GARNL3: variants seen among roughly 807,000 people sequenced by gnomAD.
GARNL3 encodes the protein GTPase-activating Rap/Ran-GAP domain-like protein 3.
Under a neutral mutation model 125.0 loss-of-function variants are expected in GARNL3, and 63 were observed. The ratio of observed to expected loss-of-function variants is 0.50; its 90% confidence interval spans 0.41 to 0.62. The LOEUF (loss-of-function observed/expected upper bound fraction) is 0.62, where lower values mean the gene tolerates loss of function less well. Among genes scored for constraint, GARNL3 ranks in the 20% least tolerant of loss-of-function variants. The probability of loss-of-function intolerance (pLI) is 0.00; values close to 1 mark genes in which losing one functional copy is unlikely to be tolerated. For synonymous variants in GARNL3, 439 were observed against 457.5 expected (o/e 0.96, Z 0.52); for missense variants, 994 against 1,244.0 (o/e 0.80, Z 3.02).
chr9:127,269,851 T>A (rs964804687), intron 1 of GARNL3, among the ~76,000 whole-genome samples: 1 of 151,530 alleles, frequency 6.6e-6, no homozygotes, highest in African/African-American at 2.4e-5. Context: ...TTGTCCCTTA[T>A]CAGATGATTT....
intron 2 of GARNL3, among the ~76,000 whole-genome samples, chr9:127,248,918 T>C (rs1216812258): frequency 6.6e-6 from 1 of 152,146 alleles, no homozygotes; most frequent in African/African-American, 2.4e-5. Flanking sequence ...GCCAGTATTT[T>C]GTTTTTCATT....
At chr9:127,257,295 C>T (rs937679622) in intron 2 of GARNL3, among the ~76,000 whole-genome samples, 2 of 152,210 alleles carry the variant, frequency 1.3e-5, no homozygotes, top group Non-Finnish European at 2.9e-5. Flanking sequence ...CTCAAGAGTG[C>T]AGTTGCTGGG....
intron 7 of GARNL3, among the ~76,000 whole-genome samples, chr9:127,330,414 A>G (rs923542410): frequency 1.2e-4 from 19 of 152,214 alleles, no homozygotes; most frequent in Non-Finnish European, 1.2e-4. Context: ...ATTTGGAGAC[A>G]TCGTATGAAA....
intron 22 of GARNL3, among the ~76,000 whole-genome samples, chr9:127,375,779 G>C (rs1325276706): frequency 6.6e-6 from 1 of 152,154 alleles, no homozygotes; most frequent in Admixed American, 6.6e-5. Context: ...CTGCCTTATG[G>C]TTCCTTCTTG....
At chr9:127,303,975 T>C (rs2064875203) in intron 2 of GARNL3, among the ~76,000 whole-genome samples, 1 of 152,178 alleles carries the variant, frequency 6.6e-6, no homozygotes, top group Admixed American at 6.5e-5. Flanking sequence ...TGTACAGGCC[T>C]GAATGCAGCA....
At chr9:127,357,657 G>T (rs1168134374) in intron 21 of GARNL3, among the ~76,000 whole-genome samples, 1 of 152,090 alleles carries the variant, frequency 6.6e-6, no homozygotes, top group Non-Finnish European at 1.5e-5. Flanking sequence ...ATATGAAAAG[G>T]CCGGGCACAA....
intron 5 of GARNL3, among the ~76,000 whole-genome samples, chr9:127,319,375 G>C (rs1210556263): frequency 6.6e-6 from 1 of 151,970 alleles, no homozygotes; most frequent in African/African-American, 2.4e-5. Context: ...TCAGCTACTC[G>C]GGAGGCTGAG....
At chr9:127,233,327 T>C (rs1588658506) in intron 1 of GARNL3, among the ~76,000 whole-genome samples, 1 of 152,110 alleles carries the variant, frequency 6.6e-6, no homozygotes, top group South Asian at 2.1e-4. Context: ...TAGAAGGGGG[T>C]GAAACATGCT....
chr9:127,375,242 C>A (rs1298288562), intron 22 of GARNL3, among the ~76,000 whole-genome samples: 1 of 152,080 alleles, frequency 6.6e-6, no homozygotes, highest in Non-Finnish European at 1.5e-5. Context: ...GCAGGCAGAT[C>A]ACCTAAGGTT....
chr9:127,229,210 GA>G (rs2062962217), intron 1 of GARNL3, among the ~76,000 whole-genome samples: 2 of 152,030 alleles, frequency 1.3e-5, no homozygotes, highest in African/African-American at 2.4e-5. Context: ...TTGTTGCTTC[GA>G]AAAACTACCC....
chr9:127,276,087 G>T (rs572157151), intron 1 of GARNL3, among the ~76,000 whole-genome samples: 1 of 150,492 alleles, frequency 6.6e-6, no homozygotes, highest in African/African-American at 2.4e-5. Flanking sequence ...GGTCACCAAA[G>T]ATTTCCTTGC....
upstream of GARNL3, among the ~76,000 whole-genome samples, chr9:127,262,756 A>G (rs1182264247): frequency 1.3e-5 from 2 of 152,234 alleles, no homozygotes; most frequent in Non-Finnish European, 2.9e-5. Context: ...AAGATATACA[A>G]ATACCTTCAT....
In GARNL3 at chr9:127,348,982, C is replaced by T; in HGVS notation, c.1490C>T (p.Pro497Leu). 2 of 1,613,992 alleles carry T rather than the reference C, an allele frequency of 1.2e-6. No individual in the cohort carries two copies. The highest frequency in any genetic ancestry group is 8.5e-7 in the Non-Finnish European group (1 of 1,179,972). The change falls in exon 17 of 28, where the codon CCC becomes CTC. Residue 497 changes from proline to leucine, a missense_variant. By Grantham distance (98) the Pro-to-Leu change is moderately conservative. Coordinates refer to ENST00000373387, the MANE Select transcript of GARNL3 (RefSeq NM_032293.5). ...CCTCATGAAGCCGTGTGTGCAGATC[C>T]CTGGGGCCAGGCCTTGCTGGTTTCC... ...NFPHEAVCAD[P>L]WGQALLVSTD... is the part of the protein sequence containing the mutation.
chr9:127,331,525 A>G (rs1398378925), intron 7 of GARNL3, among the ~76,000 whole-genome samples: 1 of 151,352 alleles, frequency 6.6e-6, no homozygotes, highest in Non-Finnish European at 1.5e-5. Context: ...ACCACTACCC[A>G]ATTTAAGGAA....
chr9:127,350,513 G>A (rs1380864984), intron 17 of GARNL3, among the ~76,000 whole-genome samples: 5 of 151,994 alleles, frequency 3.3e-5, no homozygotes, highest in Admixed American at 3.3e-4. Flanking sequence ...AGTGGCTCAC[G>A]CCTGTAATCC....
intron 2 of GARNL3, chr9:127,243,297 A>G (rs1281115156): frequency 1.5e-6 from 2 of 1,318,712 alleles, no homozygotes; most frequent in Admixed American, 3.8e-5. Flanking sequence ...TATGTTCACT[A>G]TAGCTTGAAA....
At chr9:127,263,650 G>GAA (rs1239203451), upstream of GARNL3, 3 of 1,043,236 alleles carry the variant, frequency 2.9e-6, no homozygotes. Flanking sequence ...TTTTTGGGTA[G>GAA]AAAATCATAT....
chr9:127,332,002 A>G (rs950305764), intron 7 of GARNL3, among the ~76,000 whole-genome samples: 3 of 152,076 alleles, frequency 2.0e-5, no homozygotes, highest in African/African-American at 7.2e-5. Flanking sequence ...CACAGAACAG[A>G]ACTGGTATCC....
intron 27 of GARNL3, among the ~76,000 whole-genome samples, chr9:127,391,347 TAG>T (rs1211626667): frequency 1.4e-5 from 2 of 143,960 alleles, no homozygotes; most frequent in Admixed American, 7.0e-5. Flanking sequence ...TATATATATG[TAG>T]AGAGAGAGAG....
Sources: allele counts gnomAD v4.1 joint callset (sites outside exome capture counted in the v4.1 genomes callset), GRCh38; gene constraint gnomAD v4.1.1; transcripts MANE v1.5; gene names NCBI Gene and HGNC (gene_info 2026-07-23, HGNC 2026-07-21).